Variants in WWOX observed in about 807,000 individuals in gnomAD.
WWOX encodes WW domain-containing oxidoreductase.
A neutral mutation model predicts 46.2 loss-of-function variants in WWOX; 69 were observed. That is an observed-to-expected ratio of 1.49 (90% CI 1.23 to 1.82). WWOX has a LOEUF of 1.82. Among genes scored for constraint, WWOX ranks in the 40% most tolerant of loss-of-function variants. WWOX has a pLI of 0.00. For synonymous variants in WWOX, 359 were observed against 202.6 expected, an observed-to-expected ratio of 1.77 and a Z score of -6.56; for missense variants, 919 against 542.6, an observed-to-expected ratio of 1.69 and a Z score of -6.89.
intron 5 of WWOX, among the ~76,000 whole-genome samples, chr16:78,336,707 T>C (rs2080898033): frequency 6.6e-6 from 1 of 152,126 alleles, no homozygotes; most frequent in Non-Finnish European, 1.5e-5. Context: ...CTTTTCTAAT[T>C]TTTTTAAAAA....
Position 79,190,182 on chromosome 16 carries a change from G to A in WWOX, c.1057-21426G>A, listed in dbSNP as rs537468192. 5.3e-5 allele frequency among the ~76,000 whole-genome samples: 8 copies of A among 152,022 alleles called. No homozygotes were observed. The East Asian group carries it at 1.4e-3, about 26-fold the overall frequency. On this transcript the variant is annotated intron_variant, in intron 8 of 8. Coordinates refer to ENST00000566780, the MANE Select transcript of WWOX (RefSeq NM_016373.4). The stretch of plus-strand genomic sequence containing the variant: ...TGGGATTTTAGGTGTGCAACACCAC[G>A]CCTGGCTAACTTTTGTATTTTTAGT...
chr16:78,379,479 T>G lies in WWOX; in HGVS notation c.517-7381T>G, dbSNP rs140230598. 8.5e-5 allele frequency among the ~76,000 whole-genome samples: 13 copies of G among 152,310 alleles called. No individual in the cohort carries two copies. The East Asian group carries it at 2.3e-3, about 27-fold the overall frequency. On this transcript the variant is annotated intron_variant, in intron 5 of 8. Coordinates refer to ENST00000566780, the MANE Select transcript of WWOX (RefSeq NM_016373.4). Reference sequence around the variant, plus strand: ...TCCAGCCACTGTACCGACGTGTTCCTTTATTTCACCCACATAGTGATGATG... The same window carrying G: ...TCCAGCCACTGTACCGACGTGTTCCGTTATTTCACCCACATAGTGATGATG...
chr16:78,111,708 A>T (rs940050853), intron 3 of WWOX: 2 of 155,274 alleles, frequency 1.3e-5, no homozygotes, highest in African/African-American at 4.8e-5. Context: ...ATGGTCACGT[A>T]CGTTGTCCGC....
intron 8 of WWOX, among the ~76,000 whole-genome samples, chr16:78,577,374 C>A (rs56342921): frequency 0.15 from 23,044 of 152,156 alleles, 2,145 homozygotes; most frequent in African/African-American, 0.26. Context: ...GCTTTTAAAA[C>A]TGAGCATTTG....
intron 8 of WWOX, among the ~76,000 whole-genome samples, chr16:78,788,015 T>G (rs2050498303): frequency 6.6e-6 from 1 of 152,228 alleles, no homozygotes; most frequent in Non-Finnish European, 1.5e-5. Context: ...TGTTGAGTTG[T>G]AAAAGTTGTT....
chr16:78,811,774 C>G (rs539896389), intron 8 of WWOX, among the ~76,000 whole-genome samples: 5 of 152,102 alleles, frequency 3.3e-5, no homozygotes, highest in Non-Finnish European at 7.4e-5. Flanking sequence ...CACCCAGATA[C>G]CATCCCACTG....
chr16:79,106,182 C>T (rs1176767610), intron 8 of WWOX, among the ~76,000 whole-genome samples: 1 of 152,226 alleles, frequency 6.6e-6, no homozygotes, highest in African/African-American at 2.4e-5. Context: ...GTCTATATTT[C>T]AGCAAGCCTT....
intron 8 of WWOX, among the ~76,000 whole-genome samples, chr16:78,894,751 C>G (rs543883124): frequency 2.0e-5 from 3 of 152,198 alleles, no homozygotes; most frequent in South Asian, 4.2e-4. Context: ...GGAAAGAAGA[C>G]GGGACTAAAA....
chr16:78,589,885 CAGGGGAAGAGGGTCTTTACTT>C (rs2045310301), intron 8 of WWOX, among the ~76,000 whole-genome samples: 3 of 152,080 alleles, frequency 2.0e-5, no homozygotes, highest in Non-Finnish European at 2.9e-5. Flanking sequence ...TGGAAAACTC[CAGGGGAAGAGGGTCTTTACTT>C]AGGGAGTTGG....
At chr16:79,054,610 C>T (rs562249524) in intron 8 of WWOX, among the ~76,000 whole-genome samples, 14 of 152,086 alleles carry the variant, frequency 9.2e-5, no homozygotes, top group Admixed American at 1.3e-4. Flanking sequence ...TCCCTTGAGT[C>T]CAGGAGTTCA....
At chr16:78,646,887 G>A (rs1032911441) in intron 8 of WWOX, among the ~76,000 whole-genome samples, 5 of 152,166 alleles carry the variant, frequency 3.3e-5, no homozygotes, top group African/African-American at 9.7e-5. Flanking sequence ...TGTGTTGGCT[G>A]TGAGTAAGAG....
At chr16:78,773,788 A>T (rs2050123183) in intron 8 of WWOX, among the ~76,000 whole-genome samples, 1 of 152,196 alleles carries the variant, frequency 6.6e-6, no homozygotes, top group African/African-American at 2.4e-5. Flanking sequence ...AGTTTGAGCT[A>T]ATTGGGATCA....
intron 8 of WWOX, among the ~76,000 whole-genome samples, chr16:78,931,321 G>C (rs1352445096): frequency 6.6e-6 from 1 of 152,170 alleles, no homozygotes; most frequent in Non-Finnish European, 1.5e-5. Flanking sequence ...GTCAAAGAAG[G>C]TCTTCTTCTC....
At chr16:78,990,892 C>T (rs76375791) in intron 8 of WWOX, among the ~76,000 whole-genome samples, 2 of 152,210 alleles carry the variant, frequency 1.3e-5, no homozygotes, top group Admixed American at 6.5e-5. Context: ...ATGAACACAG[C>T]ATGAGTGATT....
chr16:78,411,537 A>AGGGG (rs1186715333), intron 6 of WWOX, among the ~76,000 whole-genome samples: 2 of 152,174 alleles, frequency 1.3e-5, no homozygotes, highest in Non-Finnish European at 2.9e-5. Context: ...CTTAAGGAGA[A>AGGGG]GGGGGTGTAG....
At chr16:78,819,346 T>G (rs1284704663) in intron 8 of WWOX, among the ~76,000 whole-genome samples, 1 of 152,120 alleles carries the variant, frequency 6.6e-6, no homozygotes, top group Non-Finnish European at 1.5e-5. Context: ...AGGGATAGGG[T>G]GGGTGCACCT....
chr16:78,520,413 G>C (rs1030994469), intron 8 of WWOX, among the ~76,000 whole-genome samples: 13 of 152,148 alleles, frequency 8.5e-5, no homozygotes, highest in African/African-American at 2.9e-4. Context: ...TTTCGTTTTC[G>C]AGGCTGGAAA....
At chr16:78,821,326 C>T (rs990288688) in intron 8 of WWOX, among the ~76,000 whole-genome samples, 4 of 152,196 alleles carry the variant, frequency 2.6e-5, no homozygotes, top group South Asian at 2.1e-4. Flanking sequence ...GAGGGTGGGT[C>T]GGAAGCCAAG....
At chr16:78,840,433 T>G (rs1201694136) in intron 8 of WWOX, among the ~76,000 whole-genome samples, 2 of 152,214 alleles carry the variant, frequency 1.3e-5, no homozygotes, top group Admixed American at 6.5e-5. Flanking sequence ...CTCTTGCCTC[T>G]GCAGCACAGT....
Sources: gnomAD v4.1 joint callset for allele counts (sites outside exome capture counted in the v4.1 genomes callset) on GRCh38, gnomAD v4.1.1 for gene constraint, MANE v1.5 for transcripts, NCBI Gene and HGNC (gene_info 2026-07-23, HGNC 2026-07-21) for gene names.